The following OLFM2 variants were observed in gnomAD, a reference collection of about 807,000 sequenced individuals.
OLFM2 encodes noelin-2.
In OLFM2, 20 loss-of-function variants were observed where a neutral mutation model predicts 43.9. The ratio of observed to expected loss-of-function variants is 0.46; its 90% CI spans 0.32 to 0.66. OLFM2 has a LOEUF of 0.66. Among genes scored for constraint, OLFM2 ranks in the 30% least tolerant of loss-of-function variants. The probability of loss-of-function intolerance (pLI) is 0.04; values close to 1 mark genes in which losing one functional copy is unlikely to be tolerated. For missense variants in OLFM2, 416 were observed against 643.6 expected, an observed-to-expected ratio of 0.65 and a Z score of 3.83; for synonymous variants, 268 against 278.6, an observed-to-expected ratio of 0.96 and a Z score of 0.38.
chr19:9,887,477 C>G (rs545399693), intron 1 of OLFM2, among the ~76,000 whole-genome samples: 1 of 152,242 alleles, frequency 6.6e-6, no homozygotes, highest in East Asian at 1.9e-4. Flanking sequence ...CCGCACCGCC[C>G]ACCCTCTCTT....
chr19:9,853,865 G>A lies in OLFM2; in HGVS notation c.*321C>T, dbSNP rs1302619320. 1 of 527,132 alleles carries A rather than the reference G, an allele frequency of 1.9e-6. No homozygotes were observed. Among genetic ancestry groups the A allele is most frequent in the Admixed American group, 3.7e-5 (1 of 27,140 alleles). 32.7% of individuals were successfully genotyped at this position (527,132 alleles called of 1,614,324 possible). A position where few individuals can be genotyped will look rare whatever the true frequency, so the allele number is the denominator to read the frequency against. ...AATGGGTGGGAAGCAAGGAGGGAGG[G>A]GTGGAAGGACAGAGAGAGAGAGACA... On this transcript the variant is annotated 3_prime_UTR_variant, in exon 6 of 6. Coordinates refer to ENST00000264833, the MANE Select transcript of OLFM2 (RefSeq NM_058164.4).
At position 9,854,258 on chromosome 19, in the gene OLFM2, G is replaced by T. The variant is rs1354618307; in HGVS notation, c.1293C>A (p.Thr431=). 1 of 1,614,076 alleles carries T rather than the reference G, an allele frequency of 6.2e-7. No homozygotes were observed. The highest frequency in any genetic ancestry group is 1.3e-5 in the African/African-American group (1 of 74,926). ...DYNPRERALY[T]WNNGHQVLYN... ...AGAGCACCTGGTGGCCGTTGTTCCA[G>T]GTATAGAGGGCGCGCTCCCGGGGGT... The change falls in exon 6 of 6, where the codon ACC becomes ACA. Residue 431 remains threonine, a synonymous_variant. Transcript: ENST00000264833. This position sits in a 1 kb window ranked among gnomAD's most constrained non-coding sequence, Gnocchi z 9.5.
chr19:9,901,267 GGGAA>G (rs2046736969), intron 1 of OLFM2, among the ~76,000 whole-genome samples: 1 of 150,700 alleles, frequency 6.6e-6, no homozygotes, highest in African/African-American at 2.4e-5. Flanking sequence ...GAGGGAGGGA[GGGAA>G]GGAAGGAAGC....
In OLFM2 at chr19:9,854,745, G is replaced by A. The variant is rs1427896763; in HGVS notation, c.806C>T (p.Thr269Met). Residue 269 changes from threonine to methionine, a missense_variant, in exon 6 of 6, where the codon ACG becomes ATG. Thr to Met is a moderately conservative substitution (Grantham distance 81). Coordinates refer to ENST00000264833, the MANE Select transcript of OLFM2 (RefSeq NM_058164.4). The surrounding 1 kb of genome is among the most constrained non-coding windows in gnomAD (Gnocchi z 9.5). ...GGAGCCGTTGTACACCACGTGGCCC[G>A]TGCCCGCCCACGGCTGGGGCAGCAG... is the stretch of plus-strand genomic sequence containing the variant. ...QHLLPQPWAG[T>M]GHVVYNGSLF... 11 of 1,613,780 alleles carry A rather than the reference G, an allele frequency of 6.8e-6. No individual in the cohort carries two copies. The highest frequency in any genetic ancestry group is 9.3e-6 in the Non-Finnish European group (11 of 1,179,836).
intron 1 of OLFM2, among the ~76,000 whole-genome samples, chr19:9,915,000 G>A (rs1031416641): frequency 6.6e-6 from 1 of 152,058 alleles, no homozygotes; most frequent in African/African-American, 2.4e-5. Context: ...GTCTCGAACC[G>A]TCTTTTTTTC....
In OLFM2 at chr19:9,856,794, C is replaced by T. The variant is rs1359645991; in HGVS notation, c.687+13G>A. On this transcript the variant is annotated intron_variant, in intron 5 of 5. Transcript: ENST00000264833. This position sits in a 1 kb window ranked among gnomAD's most constrained non-coding sequence, Gnocchi z 4.0. ...CCCAGGCCCTGACCCCAGGGGTGGGCGCAGTCACTCACCCGGCTATCCGCA... is the reference window on the plus strand; with the variant it reads ...CCCAGGCCCTGACCCCAGGGGTGGGTGCAGTCACTCACCCGGCTATCCGCA... 4 of 1,604,310 alleles carry T rather than the reference C, an allele frequency of 2.5e-6. No individual in the cohort carries two copies. The highest frequency in any genetic ancestry group is 1.1e-5 in the South Asian group (1 of 90,322).
intron 1 of OLFM2, among the ~76,000 whole-genome samples, chr19:9,916,539 C>T (rs1420545327): frequency 6.6e-6 from 1 of 152,094 alleles, no homozygotes; most frequent in Non-Finnish European, 1.5e-5. Context: ...CAGGGGAACC[C>T]AGCAGGGAAG....
At chr19:9,883,955 C>T (rs778893859) in intron 1 of OLFM2, among the ~76,000 whole-genome samples, 5 of 152,060 alleles carry the variant, frequency 3.3e-5, no homozygotes, top group Non-Finnish European at 5.9e-5. Context: ...CGAATGCCTG[C>T]GCACACAGAG....
Position 9,936,443 on chromosome 19 carries a change from AC to A in OLFM2, c.-78del. 1 of 1,032,676 alleles carries A rather than the reference AC, an allele frequency of 9.7e-7. No homozygotes were observed. The allele number at this position is 1,032,676 out of a possible 1,614,324, so 64.0% of individuals were successfully genotyped here. On this transcript the variant is annotated 5_prime_UTR_variant, in exon 1 of 6. Coordinates refer to ENST00000264833, the MANE Select transcript of OLFM2 (RefSeq NM_058164.4). ...GGCGCGGGGACCGCCACCAGGCGCGACCCCGCCCGCCCGGCCGGGGCGACCC... is the reference window on the plus strand; with the variant it reads ...GGCGCGGGGACCGCCACCAGGCGCGACCCGCCCGCCCGGCCGGGGCGACCC...
intron 1 of OLFM2, among the ~76,000 whole-genome samples, chr19:9,919,334 T>A: frequency 6.6e-6 from 1 of 151,884 alleles, no homozygotes; most frequent in Non-Finnish European, 1.5e-5. Context: ...GCCCGGAGAA[T>A]TTTTTATATT....
intron 1 of OLFM2, among the ~76,000 whole-genome samples, chr19:9,914,897 C>G (rs1599498418): frequency 6.6e-6 from 1 of 151,840 alleles, no homozygotes; most frequent in East Asian, 2.0e-4. Context: ...CGTCTGGAGG[C>G]GGCGATGACT....
chr19:9,926,087 T>C (rs748356221), intron 1 of OLFM2, among the ~76,000 whole-genome samples: 12 of 151,514 alleles, frequency 7.9e-5, no homozygotes, highest in Non-Finnish European at 1.6e-4. Flanking sequence ...CAGCGAGCTG[T>C]GATGGTGCCA....
At chr19:9,915,701 G>C (rs1041784974) in intron 1 of OLFM2, among the ~76,000 whole-genome samples, 6 of 151,924 alleles carry the variant, frequency 3.9e-5, no homozygotes. Flanking sequence ...GTATTTTTTA[G>C]TAGAGACGGG....
intron 1 of OLFM2, among the ~76,000 whole-genome samples, chr19:9,935,167 G>C (rs1221304499): frequency 6.6e-6 from 1 of 152,172 alleles, no homozygotes; most frequent in Non-Finnish European, 1.5e-5. Flanking sequence ...AGGAGGCAGA[G>C]GGGGTTAAAT....
intron 1 of OLFM2, among the ~76,000 whole-genome samples, chr19:9,925,028 T>C (rs1599503500): frequency 6.6e-6 from 1 of 152,092 alleles, no homozygotes; most frequent in African/African-American, 2.4e-5. Flanking sequence ...TTTGGGAGGC[T>C]GAGGCAGGCA....
intron 1 of OLFM2, among the ~76,000 whole-genome samples, chr19:9,913,122 C>G (rs1184994811): frequency 6.6e-6 from 1 of 152,120 alleles, no homozygotes; most frequent in East Asian, 1.9e-4. Context: ...CGCTGCACCC[C>G]ACTCAGCCCG....
At chr19:9,931,451 C>T (rs1466952863) in intron 1 of OLFM2, among the ~76,000 whole-genome samples, 1 of 151,910 alleles carries the variant, frequency 6.6e-6, no homozygotes, top group Non-Finnish European at 1.5e-5. Flanking sequence ...GCCTGTAATC[C>T]CAGCAGTTTA....
chr19:9,923,888 T>A (rs1378987331), intron 1 of OLFM2, among the ~76,000 whole-genome samples: 1 of 147,798 alleles, frequency 6.8e-6, no homozygotes, highest in Non-Finnish European at 1.5e-5. Flanking sequence ...TTACCTGAGG[T>A]CAGGAGTTCG....
At chr19:9,910,820 A>G (rs1393279172) in intron 1 of OLFM2, among the ~76,000 whole-genome samples, 1 of 152,074 alleles carries the variant, frequency 6.6e-6, no homozygotes, top group Non-Finnish European at 1.5e-5. Flanking sequence ...TGGATGTGTG[A>G]AAGGATGGAT....
Sources: gnomAD v4.1 joint callset for allele counts (sites outside exome capture counted in the v4.1 genomes callset) on GRCh38, gnomAD v4.1.1 for gene constraint, Gnocchi (gnomAD v3.1) non-coding constraint, MANE v1.5 for transcripts, NCBI Gene and HGNC (gene_info 2026-07-23, HGNC 2026-07-21) for gene names.